The following COLGALT1 variants were observed in gnomAD, a reference collection of about 807,000 sequenced individuals.
COLGALT1 encodes procollagen galactosyltransferase 1.
In COLGALT1, 43 loss-of-function variants were observed where a neutral mutation model predicts 60.8. The observed-to-expected ratio is 0.71, with a 90% CI of 0.55 to 0.91. The LOEUF is 0.91. COLGALT1 is among the 40% of genes least tolerant of loss of function. COLGALT1 has a pLI of 0.00. For synonymous variants in COLGALT1, 369 were observed against 374.2 expected (o/e 0.99, Z 0.16); for missense variants, 845 against 880.0 (o/e 0.96, Z 0.50).
At chr19:17,556,893 A>G (rs1445248507) in intron 1 of COLGALT1, among the ~76,000 whole-genome samples, 1 of 152,230 alleles carries the variant, frequency 6.6e-6, no homozygotes, top group African/African-American at 2.4e-5. Context: ...AGCCTGGGCT[A>G]CAGAGTAAGA....
intron 6 of COLGALT1, among the ~76,000 whole-genome samples, chr19:17,575,251 G>C (rs989405107): frequency 6.6e-6 from 1 of 151,258 alleles, no homozygotes; most frequent in Non-Finnish European, 1.5e-5. Flanking sequence ...TTTTTTGTTT[G>C]TTTGTTTTTT....
intron 2 of COLGALT1, 100 bp from the exon 3 acceptor site, chr19:17,560,248 C>T (rs2076240272): frequency 3.6e-6 from 3 of 838,992 alleles, no homozygotes; most frequent in Admixed American, 2.0e-5. Context: ...CACGTCCCCT[C>T]CTCCAGGAAG....
rs2076319681 is a variant in COLGALT1, at chr19:17,572,617, A to G, written c.949+15A>G. 1 of 1,613,342 alleles carries G rather than the reference A, an allele frequency of 6.2e-7. No homozygotes were observed. The highest frequency in any genetic ancestry group is 1.1e-5 in the South Asian group (1 of 91,090). The stretch of plus-strand genomic sequence containing the variant: ...GGAGGTCATGGGTGAGTCTGCCTGC[A>G]CACCGCCCTGGGAGGTGCCAGGTTG... On this transcript the variant is annotated intron_variant, in intron 6 of 11. Coordinates refer to ENST00000252599, the MANE Select transcript of COLGALT1 (RefSeq NM_024656.4).
At position 17,555,749 on chromosome 19, in the gene COLGALT1, G is replaced by T. The variant is rs1460077890; in HGVS notation, c.36G>T (p.Gly12=). 9.4e-5 allele frequency: 114 copies of T among 1,212,888 alleles called. No homozygotes were observed. The highest frequency in any genetic ancestry group is 1.0e-4 in the Non-Finnish European group (101 of 976,704). 75.1% of individuals were successfully genotyped at this position (1,212,888 alleles called of 1,614,324 possible). ...AAAPRAGRRR[G]QPLLALLLLL... is the part of the protein sequence containing the mutation. Reference sequence around the variant, plus strand: ...CCCCACGCGCGGGCCGGCGGCGCGGGCAGCCGCTCCTGGCGCTGCTGCTTC... The same window carrying T: ...CCCCACGCGCGGGCCGGCGGCGCGGTCAGCCGCTCCTGGCGCTGCTGCTTC... The change falls in exon 1 of 12, where the codon GGG becomes GGT. Residue 12 remains glycine (G), a synonymous_variant. Coordinates refer to ENST00000252599, the MANE Select transcript of COLGALT1 (RefSeq NM_024656.4).
rs553228135 is a variant in COLGALT1 at position 17,561,469 on chromosome 19, G to T, written c.489+1004G>T. Among the ~76,000 whole-genome samples, 52 of 151,826 alleles carry T rather than the reference G, an allele frequency of 3.4e-4. No individual in the cohort carries two copies. The East Asian group carries it at 9.1e-3, about 26-fold the overall frequency. On this transcript the variant is annotated intron_variant, in intron 3 of 11. Transcript: ENST00000252599. Reference sequence around the variant, plus strand: ...GCAGGAGGAAGGGGTCAGGGGCTGGGGGGTGGTGGCCACATTGAATTGCTG... The same window carrying T: ...GCAGGAGGAAGGGGTCAGGGGCTGGTGGGTGGTGGCCACATTGAATTGCTG...
At chr19:17,574,098 T>C (rs1030514970) in intron 6 of COLGALT1, among the ~76,000 whole-genome samples, 1 of 152,024 alleles carries the variant, frequency 6.6e-6, no homozygotes, top group Non-Finnish European at 1.5e-5. Flanking sequence ...CTAGGGATGA[T>C]GCTCCCATCT....
At chr19:17,564,394 C>A (rs940200210) in intron 3 of COLGALT1, among the ~76,000 whole-genome samples, 10 of 139,432 alleles carry the variant, frequency 7.2e-5, no homozygotes, top group East Asian at 2.1e-4. Flanking sequence ...ACATATGAAA[C>A]AAGAAAGAAA....
chr19:17,556,020 G>T (rs1176187481), intron 1 of COLGALT1, 47 bp downstream of exon 1: 15 of 1,284,736 alleles, frequency 1.2e-5, no homozygotes, highest in South Asian at 8.9e-5. Context: ...GCGAGCCCCT[G>T]CTTGCTGTCC....
intron 1 of COLGALT1, 32 bp downstream of exon 1, chr19:17,556,005 G>A: frequency 1.5e-6 from 2 of 1,293,166 alleles, no homozygotes; most frequent in Non-Finnish European, 2.0e-6. Flanking sequence ...CATCAGGCGG[G>A]TCACGCGAGC....
intron 3 of COLGALT1, among the ~76,000 whole-genome samples, chr19:17,563,650 G>A (rs1266463528): frequency 6.6e-6 from 1 of 151,714 alleles, no homozygotes. Context: ...CGCCTGGCCC[G>A]ACTAATTTTT....
intron 3 of COLGALT1, among the ~76,000 whole-genome samples, chr19:17,563,384 C>G (rs541927832): frequency 1.3e-5 from 2 of 151,624 alleles, no homozygotes; most frequent in South Asian, 4.2e-4. Context: ...GAGTCTCACT[C>G]TGTCGCCCAG....
chr19:17,577,409 C>T lies in COLGALT1; in HGVS notation c.1075C>T (p.Leu359=). Residue 359 remains leucine (L), a synonymous_variant, in exon 8 of 12, where the codon CTG becomes TTG. Transcript: ENST00000252599. ...RRRQDRRERM[L]RALQAQEIEC... Reference sequence around the variant, plus strand: ...GCGGCAGGACCGGCGGGAGCGCATGCTGCGGGCGCTGCAGGCACAGGAGAT... The same window carrying T: ...GCGGCAGGACCGGCGGGAGCGCATGTTGCGGGCGCTGCAGGCACAGGAGAT... 7 of 1,517,752 alleles carry T rather than the reference C, an allele frequency of 4.6e-6. No homozygotes were observed. Among genetic ancestry groups the T allele is most frequent in the Admixed American group, 2.0e-5 (1 of 49,664 alleles). The allele number at this position is 1,517,752 out of a possible 1,614,324, so 94.0% of individuals were successfully genotyped here.
chr19:17,560,295 GCT>G (rs1403406901), intron 2 of COLGALT1, 51 bp from the exon 3 acceptor site: 1 of 1,492,250 alleles, frequency 6.7e-7, no homozygotes. Flanking sequence ...TCAGGCCCTC[GCT>G]GGGCTTTGAT....
intron 11 of COLGALT1, 134 bp downstream of exon 11, chr19:17,581,039 A>G: frequency 1.4e-6 from 2 of 1,382,602 alleles, no homozygotes; most frequent in Non-Finnish European, 2.0e-6. Flanking sequence ...GCCCCCTCGC[A>G]GATCTGTCTC....
At chr19:17,560,211 C>T in intron 2 of COLGALT1, 137 bp from the exon 3 acceptor site, 1 of 584,192 alleles carries the variant, frequency 1.7e-6, no homozygotes, top group Non-Finnish European at 3.0e-6. Context: ...TCGTCGTTTA[C>T]TTTTTCCCAT....
At position 17,578,042 on chromosome 19, in the gene COLGALT1, A is replaced by G. The variant is rs1411470603; in HGVS notation, c.1219A>G (p.Lys407Glu). ...RDPYHGRPLTKGELGCFLSHY... is the reference protein window; with the variant it reads ...RDPYHGRPLTEGELGCFLSHY... Reference sequence around the variant, plus strand: ...CCCCTACCACGGCCGGCCCCTCACCAAGGGTGAGCTGGGCTGCTTCCTGAG... The same window carrying G: ...CCCCTACCACGGCCGGCCCCTCACCGAGGGTGAGCTGGGCTGCTTCCTGAG... The change falls in exon 9 of 12, where the codon AAG becomes GAG. Residue 407 changes from lysine (K) to glutamate (E), a missense_variant. Physicochemically the swap from Lys to Glu is moderately conservative, Grantham distance 56. Transcript: ENST00000252599. 6.2e-7 allele frequency: 1 copy of G among 1,611,192 alleles called. No homozygotes were observed. Among genetic ancestry groups the G allele is most frequent in the Admixed American group, 1.7e-5 (1 of 59,706 alleles).
At position 17,581,409 on chromosome 19, in the gene COLGALT1, TC is replaced by T; in HGVS notation, c.1838del (p.Pro613HisfsTer13). On this transcript the variant is annotated frameshift_variant, in exon 12 of 12. Coordinates refer to ENST00000252599, the MANE Select transcript of COLGALT1 (RefSeq NM_024656.4). LOFTEE classifies it high-confidence loss of function. Reference sequence around the variant, plus strand: ...GGCCAAGAACTCGGACGTGCTCCAGTCCCCACTGGACAGTGCTGCCCGGGAT... The same window carrying T: ...GGCCAAGAACTCGGACGTGCTCCAGTCCCACTGGACAGTGCTGCCCGGGAT... ...REAKNSDVLQ[S>X]PLDSAARDEL 1 of 1,611,284 alleles carries T rather than the reference TC, an allele frequency of 6.2e-7. No individual in the cohort carries two copies. Among genetic ancestry groups the T allele is most frequent in the Non-Finnish European group, 8.5e-7 (1 of 1,179,888 alleles).
In COLGALT1 at chr19:17,582,246, A is replaced by G. The variant is rs1300222666; in HGVS notation, c.*802A>G. The G allele has an allele frequency of 6.6e-6, 1 of 152,156 alleles. No homozygotes were observed. Among genetic ancestry groups the G allele is most frequent in the East Asian group, 1.9e-4 (1 of 5,196 alleles). 9.4% of individuals were successfully genotyped at this position (152,156 alleles called of 1,614,324 possible). The stretch of plus-strand genomic sequence containing the variant: ...ATATTGAGATAAATAAGATGCTTCT[A>G]TCCATTTATTCAAGCACATATTGGT... On this transcript the variant is annotated 3_prime_UTR_variant, in exon 12 of 12. Coordinates refer to ENST00000252599, the MANE Select transcript of COLGALT1 (RefSeq NM_024656.4).
intron 6 of COLGALT1, among the ~76,000 whole-genome samples, chr19:17,574,777 C>G (rs2076331798): frequency 6.6e-6 from 1 of 152,186 alleles, no homozygotes; most frequent in South Asian, 2.1e-4. Context: ...CATTTATCAC[C>G]AACTCCCATC....
Sources: allele counts gnomAD v4.1 joint callset (sites outside exome capture counted in the v4.1 genomes callset), GRCh38; gene constraint gnomAD v4.1.1; transcripts MANE v1.5; gene names NCBI Gene and HGNC (gene_info 2026-07-23, HGNC 2026-07-21).